ASIC2: variants seen among roughly 807,000 people sequenced by gnomAD.
The protein encoded by ASIC2 is acid sensing ion channel subunit 2.
A neutral mutation model predicts 57.3 loss-of-function variants in ASIC2; 25 were observed. That is an observed-to-expected ratio of 0.44 (90% CI 0.32 to 0.61). The LOEUF is 0.61. Among genes scored for constraint, ASIC2 ranks in the 20% least tolerant of loss-of-function variants. The pLI is 0.06. For synonymous variants in ASIC2, 319 were observed against 307.5 expected (o/e 1.04, Z -0.39); for missense variants, 641 against 738.1 (o/e 0.87, Z 1.52).
At chr17:33,432,546 T>C (rs1222684644) in intron 1 of ASIC2, among the ~76,000 whole-genome samples, 2 of 152,220 alleles carry the variant, frequency 1.3e-5, no homozygotes, top group African/African-American at 4.8e-5. Flanking sequence ...ACTTAATGAA[T>C]AGGAAATATA....
At chr17:34,039,264 G>T (rs1348103538) in intron 1 of ASIC2, 5 of 1,613,830 alleles carry the variant, frequency 3.1e-6, no homozygotes, top group East Asian at 2.2e-5. Context: ...GTCTGTGCTG[G>T]ATGGAGATCT....
chr17:33,729,401 G>A (rs1909668172), intron 1 of ASIC2, among the ~76,000 whole-genome samples: 1 of 152,142 alleles, frequency 6.6e-6, no homozygotes, highest in African/African-American at 2.4e-5. Context: ...CTCCCCACCA[G>A]AACCCACCTC....
At chr17:33,210,006 G>A (rs779983175) in intron 1 of ASIC2, among the ~76,000 whole-genome samples, 1 of 152,130 alleles carries the variant, frequency 6.6e-6, no homozygotes, top group Non-Finnish European at 1.5e-5. Flanking sequence ...CTTTAACCCC[G>A]AAGTGGAAGA....
At chr17:33,588,027 G>A (rs569043489) in intron 1 of ASIC2, among the ~76,000 whole-genome samples, 11 of 152,304 alleles carry the variant, frequency 7.2e-5, no homozygotes, top group Admixed American at 3.3e-4. Context: ...AGTTGGGACT[G>A]TAAAATGTTC....
intron 1 of ASIC2, among the ~76,000 whole-genome samples, chr17:33,318,581 T>C (rs1411856678): frequency 6.6e-6 from 1 of 152,198 alleles, no homozygotes; most frequent in East Asian, 1.9e-4. Context: ...CAACAGGTTT[T>C]GTTTCTCATG....
At chr17:33,492,546 C>T (rs982331594) in intron 1 of ASIC2, among the ~76,000 whole-genome samples, 1 of 152,208 alleles carries the variant, frequency 6.6e-6, no homozygotes, top group African/African-American at 2.4e-5. Context: ...CTTTGGTCTC[C>T]TTCCTCTTGC....
At chr17:33,202,017 C>CAAAAAAAAAAAA (rs55724157) in intron 1 of ASIC2, among the ~76,000 whole-genome samples, 1 of 92,270 alleles carries the variant, frequency 1.1e-5, no homozygotes. Context: ...GAGACTGTCT[C>CAAAAAAAAAAAA]AAAAAAAAAA....
intron 3 of ASIC2, among the ~76,000 whole-genome samples, chr17:33,039,232 T>C (rs2091921290): frequency 6.6e-6 from 1 of 152,182 alleles, no homozygotes; most frequent in African/African-American, 2.4e-5. Context: ...TGTTCCATGG[T>C]GCCACAGGGA....
In ASIC2 at chr17:33,946,619, C is replaced by T. The variant is rs563785090; in HGVS notation, c.555+209359G>A. 3.3e-4 allele frequency among the ~76,000 whole-genome samples: 50 copies of T among 152,208 alleles called. No individual in the cohort carries two copies. In the South Asian group the frequency reaches 9.8e-3, roughly 30 times the overall value. On this transcript the variant is annotated intron_variant, in intron 1 of 9. Coordinates refer to the ASIC2 transcript ENST00000359872. Reference sequence around the variant, plus strand: ...TTCACTGCCTTCTAGGACTCATAGGCTAGTGGGGCTCACTGCAGCTGGCAA... The same window carrying T: ...TTCACTGCCTTCTAGGACTCATAGGTTAGTGGGGCTCACTGCAGCTGGCAA...
chr17:33,679,221 G>A (rs1907923470), intron 1 of ASIC2, among the ~76,000 whole-genome samples: 2 of 152,122 alleles, frequency 1.3e-5, no homozygotes, highest in Admixed American at 6.5e-5. Context: ...AGAAGGAAGT[G>A]GAGACATCCT....
chr17:33,288,372 G>C (rs1319538441), intron 1 of ASIC2, among the ~76,000 whole-genome samples: 1 of 152,094 alleles, frequency 6.6e-6, no homozygotes, highest in Non-Finnish European at 1.5e-5. Context: ...ACCAAACCAA[G>C]CAGAGGGGCT....
intron 1 of ASIC2, among the ~76,000 whole-genome samples, chr17:33,741,518 A>T (rs1487695268): frequency 6.6e-6 from 1 of 152,118 alleles, no homozygotes; most frequent in East Asian, 1.9e-4. Flanking sequence ...CAGATTCAAA[A>T]CTCAACACCC....
chr17:33,017,837 T>C (rs2091814986), intron 7 of ASIC2, among the ~76,000 whole-genome samples, 153 bp from the exon 8 acceptor site: 1 of 152,174 alleles, frequency 6.6e-6, no homozygotes, highest in Non-Finnish European at 1.5e-5. Flanking sequence ...GGCAGTTCCT[T>C]CCCTCACGGC....
intron 1 of ASIC2, among the ~76,000 whole-genome samples, chr17:34,059,323 G>T (rs1908883980): frequency 6.6e-6 from 1 of 152,190 alleles, no homozygotes; most frequent in Non-Finnish European, 1.5e-5. Flanking sequence ...AAATACAGGG[G>T]TAGAGGAAGC....
chr17:34,077,541 CAT>C (rs1909715784), intron 1 of ASIC2, among the ~76,000 whole-genome samples: 1 of 152,184 alleles, frequency 6.6e-6, no homozygotes, highest in African/African-American at 2.4e-5. Context: ...AAACGGTTAC[CAT>C]GGAACACAGC....
intron 1 of ASIC2, among the ~76,000 whole-genome samples, chr17:34,055,973 C>T (rs553147455): frequency 7.2e-4 from 110 of 152,130 alleles, no homozygotes; most frequent in Non-Finnish European, 1.2e-3. Flanking sequence ...AGTTAAGAGG[C>T]TATTACAGTA....
At chr17:33,077,801 C>T (rs1364514589) in intron 3 of ASIC2, among the ~76,000 whole-genome samples, 2 of 152,124 alleles carry the variant, frequency 1.3e-5, no homozygotes, top group Non-Finnish European at 2.9e-5. Flanking sequence ...TTTCAGACCC[C>T]TCCTTCCCTT....
chr17:33,043,257 C>A (rs1278120352), intron 3 of ASIC2, among the ~76,000 whole-genome samples: 1 of 152,206 alleles, frequency 6.6e-6, no homozygotes, highest in Non-Finnish European at 1.5e-5. Flanking sequence ...AAACTTCAGT[C>A]ACTTGCCACA....
At chr17:33,273,593 G>A (rs1226494032) in intron 1 of ASIC2, among the ~76,000 whole-genome samples, 1 of 152,222 alleles carries the variant, frequency 6.6e-6, no homozygotes, top group Admixed American at 6.5e-5. Context: ...ACCCAGTGAG[G>A]AGAAGGAAGG....
Sources: allele counts gnomAD v4.1 joint callset (sites outside exome capture counted in the v4.1 genomes callset), GRCh38; gene constraint gnomAD v4.1.1; transcripts MANE v1.5; gene names NCBI Gene and HGNC (gene_info 2026-07-23, HGNC 2026-07-21).